The following CCNY variants were observed in gnomAD, a reference collection of about 807,000 sequenced individuals.
CCNY encodes the protein cyclin-Y.
A neutral mutation model predicts 42.8 loss-of-function variants in CCNY; 19 were observed. The ratio of observed to expected loss-of-function variants is 0.44; its 90% CI spans 0.31 to 0.65. The LOEUF (loss-of-function observed/expected upper bound fraction) is 0.65, where lower values mean the gene tolerates loss of function less well. CCNY is among the 30% of genes least tolerant of loss of function. The pLI, the probability that CCNY is intolerant of heterozygous loss-of-function variation, is 0.07. For missense variants in CCNY, 370 were observed against 437.3 expected (o/e 0.85, Z 1.37); for synonymous variants, 165 against 162.7 (o/e 1.01, Z -0.11).
chr10:35,422,747 G>A (rs1352929414), intron 1 of CCNY, among the ~76,000 whole-genome samples: 1 of 152,202 alleles, frequency 6.6e-6, no homozygotes, highest in African/African-American at 2.4e-5. Context: ...AAGGAATAGA[G>A]AGAATTGTGC....
chr10:35,286,203 T>C (rs528548857), intron 3 of CCNY, among the ~76,000 whole-genome samples: 8 of 152,284 alleles, frequency 5.3e-5, no homozygotes, highest in Admixed American at 5.2e-4. Flanking sequence ...TGGGATTATG[T>C]GACTATTTTC....
intron 1 of CCNY, among the ~76,000 whole-genome samples, chr10:35,399,548 T>C (rs1837598734): frequency 6.6e-6 from 1 of 152,182 alleles, no homozygotes; most frequent in Non-Finnish European, 1.5e-5. Flanking sequence ...GCTTCCTCAA[T>C]TGAAAAGGAG....
At chr10:35,280,393 G>GA (rs1241131984) in intron 3 of CCNY, among the ~76,000 whole-genome samples, 9 of 141,288 alleles carry the variant, frequency 6.4e-5, no homozygotes, top group African/African-American at 1.9e-4. Flanking sequence ...AAGAAAGGAA[G>GA]AAGGAAAGGA....
chr10:35,438,334 T>C (rs2135291037), intron 1 of CCNY, among the ~76,000 whole-genome samples: 1 of 152,078 alleles, frequency 6.6e-6, no homozygotes, highest in South Asian at 2.1e-4. Context: ...AAAATTTTTT[T>C]TTTTAGAGAT....
At chr10:35,469,745 T>G (rs994837329) in intron 1 of CCNY, among the ~76,000 whole-genome samples, 3 of 116,608 alleles carry the variant, frequency 2.6e-5, no homozygotes, top group South Asian at 2.8e-4. Flanking sequence ...GACAGGGAAA[T>G]GGGGAGACAG....
intron 1 of CCNY, among the ~76,000 whole-genome samples, chr10:35,355,283 T>C (rs1280717250): frequency 6.6e-6 from 1 of 152,210 alleles, no homozygotes; most frequent in Non-Finnish European, 1.5e-5. Flanking sequence ...TTAAAATCCA[T>C]ATTTGATTTT....
chr10:35,270,292 G>C (rs1835147813), intron 3 of CCNY, among the ~76,000 whole-genome samples: 1 of 152,078 alleles, frequency 6.6e-6, no homozygotes, highest in South Asian at 2.1e-4. Flanking sequence ...CCTCCAAAAG[G>C]GTGCTCCTCT....
intron 1 of CCNY, among the ~76,000 whole-genome samples, chr10:35,363,223 C>G (rs1304156094): frequency 6.9e-6 from 1 of 145,172 alleles, no homozygotes; most frequent in South Asian, 2.3e-4. Context: ...ACTTCCCAGA[C>G]GGTGGAGTGG....
At chr10:35,435,974 G>A (rs1838523711) in intron 1 of CCNY, among the ~76,000 whole-genome samples, 1 of 152,152 alleles carries the variant, frequency 6.6e-6, no homozygotes. Flanking sequence ...GTGGTCAGCA[G>A]AAGTTCCAGA....
At chr10:35,406,756 G>C (rs920469324) in intron 1 of CCNY, among the ~76,000 whole-genome samples, 21 of 152,292 alleles carry the variant, frequency 1.4e-4, no homozygotes, top group African/African-American at 4.8e-4. Flanking sequence ...GCACCTCCCA[G>C]ACGGGGTGGT....
chr10:35,259,359 C>CCATG (rs1565054899), intron 3 of CCNY, among the ~76,000 whole-genome samples: 2 of 152,024 alleles, frequency 1.3e-5, no homozygotes, highest in African/African-American at 4.8e-5. Flanking sequence ...GAGTGCACCA[C>CCATG]CATGCTTGGC....
At chr10:35,558,703 G>A (rs2135457289) in intron 8 of CCNY, among the ~76,000 whole-genome samples, 1 of 152,320 alleles carries the variant, frequency 6.6e-6, no homozygotes, top group South Asian at 2.1e-4. Flanking sequence ...CAGAGGGATG[G>A]CCATGTGAGG....
At chr10:35,492,718 G>T (rs1216262916) in intron 2 of CCNY, among the ~76,000 whole-genome samples, 1 of 152,262 alleles carries the variant, frequency 6.6e-6, no homozygotes, top group Non-Finnish European at 1.5e-5. Context: ...TGAAGGCAGG[G>T]CATCATGACC....
chr10:35,274,442 C>T (rs943926377), intron 3 of CCNY, among the ~76,000 whole-genome samples: 4 of 152,060 alleles, frequency 2.6e-5, no homozygotes, highest in African/African-American at 9.7e-5. Flanking sequence ...AGGGAATATC[C>T]CTGCATACTT....
At chr10:35,512,527 A>G (rs980135019) in intron 3 of CCNY, among the ~76,000 whole-genome samples, 2 of 152,160 alleles carry the variant, frequency 1.3e-5, no homozygotes, top group African/African-American at 2.4e-5. Context: ...TCAAATATCA[A>G]ATTGGTAGGA....
At chr10:35,544,882 GT>G (rs1243719011) in intron 7 of CCNY, among the ~76,000 whole-genome samples, 1 of 152,192 alleles carries the variant, frequency 6.6e-6, no homozygotes, top group Non-Finnish European at 1.5e-5. Flanking sequence ...ACACTGTGCT[GT>G]TTTGTTCTTT....
chr10:35,554,187 G>A (rs748944915), intron 8 of CCNY, among the ~76,000 whole-genome samples: 34 of 152,072 alleles, frequency 2.2e-4, no homozygotes, highest in Non-Finnish European at 3.7e-4. Context: ...CTGGGCTGCA[G>A]ACTCGTGGGC....
chr10:35,328,314 C>G (rs1835902276), intron 3 of CCNY, among the ~76,000 whole-genome samples: 1 of 152,160 alleles, frequency 6.6e-6, no homozygotes, highest in South Asian at 2.1e-4. Context: ...CATTTTCAAA[C>G]AGAAGACCCC....
chr10:35,541,356 G>A (rs1660501957), intron 7 of CCNY, among the ~76,000 whole-genome samples: 1 of 151,896 alleles, frequency 6.6e-6, no homozygotes, highest in African/African-American at 2.4e-5. Flanking sequence ...TAGTATCTTA[G>A]TGTGAGCTGT....
Sources: gnomAD v4.1 joint callset for allele counts (sites outside exome capture counted in the v4.1 genomes callset) on GRCh38, gnomAD v4.1.1 for gene constraint, MANE v1.5 for transcripts, NCBI Gene and HGNC (gene_info 2026-07-23, HGNC 2026-07-21) for gene names.